Variants in ZNF141 observed in about 807,000 individuals in gnomAD.
The protein encoded by ZNF141 is zinc finger protein 141 (clone pHZ-44).
Under a neutral mutation model 11.3 loss-of-function variants are expected in ZNF141, and 7 were observed. The ratio of observed to expected loss-of-function variants is 0.62; its 90% confidence interval spans 0.35 to 1.16. The LOEUF (loss-of-function observed/expected upper bound fraction) is 1.16. Among genes scored for constraint, ZNF141 ranks in the 50% most tolerant of loss-of-function variants. ZNF141 has a pLI of 0.02. For synonymous variants in ZNF141, 183 were observed against 190.7 expected (o/e 0.96, Z 0.33); for missense variants, 535 against 554.0 (o/e 0.97, Z 0.34).
Position 374,361 on chromosome 4 carries a change from G to A in ZNF141, c.*499G>A, listed in dbSNP as rs1320414269. 5 of 348,434 alleles carry A rather than the reference G, an allele frequency of 1.4e-5. No individual in the cohort carries two copies. Among genetic ancestry groups the A allele is most frequent in the Non-Finnish European group, 2.9e-5 (5 of 172,688 alleles). The allele number at this position is 348,434 out of a possible 1,614,324, so 21.6% of individuals were successfully genotyped here. ...TGAACGTAAGTGAATTCATGCTGGAGCAAAATGCTTCACATGCGAAGAATG... is the reference window on the plus strand; with the variant it reads ...TGAACGTAAGTGAATTCATGCTGGAACAAAATGCTTCACATGCGAAGAATG... On this transcript the variant is annotated 3_prime_UTR_variant, in exon 4 of 4. Transcript: ENST00000240499.
At position 376,266 on chromosome 4, in the gene ZNF141, A is replaced by G. The variant is rs1418147578; in HGVS notation, c.*2404A>G. On this transcript the variant is annotated 3_prime_UTR_variant, in exon 4 of 4. Coordinates refer to ENST00000240499, the MANE Select transcript of ZNF141 (RefSeq NM_003441.4). ...TTTCCAGTGGCTTTAAATAGCAAAT[A>G]CATTGAAGAATATCATTCCCATATG... 2.6e-5 allele frequency among the ~76,000 whole-genome samples: 4 copies of G among 152,032 alleles called. No homozygotes were observed. The highest frequency in any genetic ancestry group is 4.4e-5 in the Non-Finnish European group (3 of 67,892).
At position 380,890 on chromosome 4, in the gene ZNF141, ATG is replaced by A. The variant is rs1457483783; in HGVS notation, c.*7035_*7036del. 6.6e-6 allele frequency among the ~76,000 whole-genome samples: 1 copy of A among 152,164 alleles called. No individual in the cohort carries two copies. Among genetic ancestry groups the A allele is most frequent in the Non-Finnish European group, 1.5e-5 (1 of 68,038 alleles). ...CAAAAATTGTTAAATGTTGTCATAT[ATG>A]TGTGTGCAAAACGTATAAAATATAC... On this transcript the variant is annotated 3_prime_UTR_variant, in exon 4 of 4. Coordinates refer to ENST00000240499, the MANE Select transcript of ZNF141 (RefSeq NM_003441.4).
chr4:376,931 A>T lies in ZNF141; in HGVS notation c.*3069A>T, dbSNP rs1229676755. ...GTCTGGTGCTCATGCTAGAGCTATAATTTCTTTGATTCTCTTTTTTGTTTT... is the reference window on the plus strand; with the variant it reads ...GTCTGGTGCTCATGCTAGAGCTATATTTTCTTTGATTCTCTTTTTTGTTTT... On this transcript the variant is annotated 3_prime_UTR_variant, in exon 4 of 4. Coordinates refer to ENST00000240499, the MANE Select transcript of ZNF141 (RefSeq NM_003441.4). Among the ~76,000 whole-genome samples the T allele has an allele frequency of 6.6e-6, 1 of 152,116 alleles. No homozygotes were observed. Among genetic ancestry groups the T allele is most frequent in the Admixed American group, 6.5e-5 (1 of 15,278 alleles).
At chr4:351,994 T>C (rs1270357127) in intron 3 of ZNF141, among the ~76,000 whole-genome samples, 2 of 151,772 alleles carry the variant, frequency 1.3e-5, no homozygotes, top group East Asian at 3.9e-4. Context: ...TTCTAAGGAG[T>C]ATTGCAGTGG....
intron 1 of ZNF141, chr4:343,096 A>T (rs1487937264): frequency 3.3e-6 from 2 of 600,444 alleles, no homozygotes; most frequent in Admixed American, 6.0e-5. Flanking sequence ...TGATTAAAAA[A>T]GTCCTTATGT....
At chr4:347,851 CTTT>C in intron 3 of ZNF141, among the ~76,000 whole-genome samples, 1 of 143,040 alleles carries the variant, frequency 7.0e-6, no homozygotes, top group Admixed American at 7.0e-5. Context: ...TGGATATTAA[CTTT>C]TTTTTTTTTT....
chr4:371,639 A>C (rs1712069973), intron 3 of ZNF141, among the ~76,000 whole-genome samples: 1 of 151,680 alleles, frequency 6.6e-6, no homozygotes, highest in Admixed American at 6.6e-5. Flanking sequence ...TCCTGTGTTT[A>C]CGCCATTCTC....
Position 375,656 on chromosome 4 carries a change from ATAC to A in ZNF141, c.*1798_*1800del, listed in dbSNP as rs1241472552. ...AGTTGAAAAGAAGATTTTTGAAGAG[ATAC>A]TACATTTAAAGTATATTTTTTCACT... On this transcript the variant is annotated 3_prime_UTR_variant, in exon 4 of 4. Coordinates refer to ENST00000240499, the MANE Select transcript of ZNF141 (RefSeq NM_003441.4). 1.3e-5 allele frequency among the ~76,000 whole-genome samples: 2 copies of A among 152,062 alleles called. No individual in the cohort carries two copies. Among genetic ancestry groups the A allele is most frequent in the Admixed American group, 1.3e-4 (2 of 15,270 alleles).
In ZNF141 at chr4:338,118, G is replaced by C; in HGVS notation, c.3+132G>C. On this transcript the variant is annotated intron_variant, in intron 1 of 3. Transcript: ENST00000240499. ...CAGCCCTGGGGCCTCAGTACCCTCCGGTGAGGGACCTGGGCTCCTGTCGGT... is the reference window on the plus strand; with the variant it reads ...CAGCCCTGGGGCCTCAGTACCCTCCCGTGAGGGACCTGGGCTCCTGTCGGT... 5 of 1,245,222 alleles carry C rather than the reference G, an allele frequency of 4.0e-6. 1 individual carries two copies. The South Asian group carries it at 6.7e-5, about 17-fold the overall frequency. The allele number at this position is 1,245,222 out of a possible 1,614,324, so 77.1% of individuals were successfully genotyped here. A position where few individuals can be genotyped will look rare whatever the true frequency, so the allele number is the denominator to read the frequency against.
rs147536483 is a variant in ZNF141 at position 341,350 on chromosome 4, C to T, written c.4-2432C>T. On this transcript the variant is annotated intron_variant, in intron 1 of 3. Transcript: ENST00000240499. ...TGCTGAGATTACAGGCGTGAGCCAC[C>T]GTGCCCAGCCTGTTTTGTGAGTTTT... 6.0e-3 allele frequency among the ~76,000 whole-genome samples: 911 copies of T among 152,190 alleles called. 14 individuals carry two copies. The South Asian group carries it at 0.062, about 10-fold the overall frequency.
In ZNF141 at chr4:381,623, T is replaced by G. The variant is rs375838311; in HGVS notation, c.*7761T>G. On this transcript the variant is annotated 3_prime_UTR_variant, in exon 4 of 4. Coordinates refer to ENST00000240499, the MANE Select transcript of ZNF141 (RefSeq NM_003441.4). ...CGGGGTTTCACCATGTTGGCCAGGCTGGTCTCAAACTCCTGACCTTAAGTG... is the reference window on the plus strand; with the variant it reads ...CGGGGTTTCACCATGTTGGCCAGGCGGGTCTCAAACTCCTGACCTTAAGTG... Among the ~76,000 whole-genome samples the G allele has an allele frequency of 7.2e-3, 1,100 of 151,964 alleles. 10 individuals are homozygous for G. Among genetic ancestry groups the G allele is most frequent in the Middle Eastern group, 0.071 (21 of 294 alleles).
At chr4:352,224 A>C (rs1250449394) in intron 3 of ZNF141, among the ~76,000 whole-genome samples, 1 of 152,140 alleles carries the variant, frequency 6.6e-6, no homozygotes, top group African/African-American at 2.4e-5. Flanking sequence ...CATCTCTACT[A>C]AAAATACAAA....
rs781997099 is a variant in ZNF141, at chr4:372,764, T to C, written c.327T>C (p.Asp109=). The stretch of plus-strand genomic sequence containing the variant: ...GAAGATATGAGAAATGTGGACATGA[T>C]AATTTACAATTAAGAAAAGGCTGTA... ...ILRRYEKCGH[D]NLQLRKGCKS... The change falls in exon 4 of 4, where the codon GAT becomes GAC. Residue 109 remains aspartate (D), a synonymous_variant. Transcript: ENST00000240499. 2 of 1,613,794 alleles carry C rather than the reference T, an allele frequency of 1.2e-6. No homozygotes were observed. The highest frequency in any genetic ancestry group is 1.3e-5 in the African/African-American group (1 of 74,916).
At position 375,946 on chromosome 4, in the gene ZNF141, G is replaced by A. The variant is rs535922375; in HGVS notation, c.*2084G>A. The stretch of plus-strand genomic sequence containing the variant: ...ACAATATTGAGTGATGCATGAGGTA[G>A]GTGTTCAGAGTAATATTCTTCTGCA... On this transcript the variant is annotated 3_prime_UTR_variant, in exon 4 of 4. Coordinates refer to ENST00000240499, the MANE Select transcript of ZNF141 (RefSeq NM_003441.4). Among the ~76,000 whole-genome samples, 4 of 152,066 alleles carry A rather than the reference G, an allele frequency of 2.6e-5. No homozygotes were observed. In the South Asian group the frequency reaches 8.3e-4, roughly 31 times the overall value.
chr4:349,301 T>A (rs1357625619), intron 3 of ZNF141, among the ~76,000 whole-genome samples: 1 of 152,186 alleles, frequency 6.6e-6, no homozygotes, highest in Non-Finnish European at 1.5e-5. Flanking sequence ...CATCTATATG[T>A]TGATTATGTA....
intron 1 of ZNF141, among the ~76,000 whole-genome samples, chr4:340,788 A>G (rs868917434): frequency 6.6e-6 from 1 of 152,250 alleles, no homozygotes; most frequent in African/African-American, 2.4e-5. Flanking sequence ...ATAATGCCAT[A>G]CTGGACACTA....
chr4:344,460 C>T (rs1337833015), intron 3 of ZNF141, 30 bp downstream of exon 3: 13 of 1,581,272 alleles, frequency 8.2e-6, no homozygotes, highest in Non-Finnish European at 1.1e-5. Flanking sequence ...GGAGAGGGCA[C>T]AGGCAAGGGG....
chr4:351,236 CT>C (rs869153709), intron 3 of ZNF141, among the ~76,000 whole-genome samples: 461 of 134,722 alleles, frequency 3.4e-3, no homozygotes, highest in Admixed American at 3.5e-3. Context: ...CCAGTTAAAC[CT>C]TTTTTTTTTT....
Position 375,136 on chromosome 4 carries a change from A to C in ZNF141, c.*1274A>C, listed in dbSNP as rs1234385355. On this transcript the variant is annotated 3_prime_UTR_variant, in exon 4 of 4. Coordinates refer to ENST00000240499, the MANE Select transcript of ZNF141 (RefSeq NM_003441.4). ...AAATATAGAAAAGTCATATCTCCTCACATTTTACTAACTAGCAATGTTCAT... is the reference window on the plus strand; with the variant it reads ...AAATATAGAAAAGTCATATCTCCTCCCATTTTACTAACTAGCAATGTTCAT... The C allele has an allele frequency of 6.6e-6, 1 of 152,176 alleles. No individual in the cohort carries two copies. Among genetic ancestry groups the C allele is most frequent in the Non-Finnish European group, 1.5e-5 (1 of 68,004 alleles). The allele number at this position is 152,176 out of a possible 1,614,324, so 9.4% of individuals were successfully genotyped here.
Sources: allele counts gnomAD v4.1 joint callset (sites outside exome capture counted in the v4.1 genomes callset), GRCh38; gene constraint gnomAD v4.1.1; transcripts MANE v1.5; gene names NCBI Gene and HGNC (gene_info 2026-07-23, HGNC 2026-07-21).